Variants in MPP7 observed in about 807,000 individuals in gnomAD.
MPP7 encodes the protein MAGUK p55 subfamily member 7.
In MPP7, 60 loss-of-function variants were observed where a neutral mutation model predicts 76.5. The observed-to-expected ratio is 0.78, with a 90% confidence interval of 0.64 to 0.97. The LOEUF (loss-of-function observed/expected upper bound fraction) is 0.97. Among genes scored for constraint, MPP7 ranks in the 50% least tolerant of loss-of-function variants. The pLI, the probability that MPP7 is intolerant of heterozygous loss-of-function variation, is 0.00. For missense variants in MPP7, 641 were observed against 694.0 expected (o/e 0.92, Z 0.86); for synonymous variants, 237 against 244.5 (o/e 0.97, Z 0.29).
intron 1 of MPP7, among the ~76,000 whole-genome samples, chr10:28,295,496 T>C (rs1003411554): frequency 2.0e-5 from 3 of 152,236 alleles, no homozygotes. Context: ...CTCCAAATTT[T>C]GATCCCAGGC....
intron 5 of MPP7, among the ~76,000 whole-genome samples, chr10:28,146,555 CAT>C (rs111889461): frequency 0.021 from 3,157 of 152,086 alleles, 95 homozygotes; most frequent in African/African-American, 0.07. Context: ...GCGCCCGCCA[CAT>C]GTTTTTAACC....
At chr10:28,158,675 T>A (rs145421015) in intron 3 of MPP7, among the ~76,000 whole-genome samples, 73 of 152,250 alleles carry the variant, frequency 4.8e-4, no homozygotes, top group African/African-American at 1.5e-3. Flanking sequence ...AAATGATGCA[T>A]GAGTTACCTA....
chr10:28,075,504 C>T (rs996525869), intron 12 of MPP7, among the ~76,000 whole-genome samples: 10 of 152,198 alleles, frequency 6.6e-5, no homozygotes, highest in East Asian at 3.9e-4. Flanking sequence ...ATAGATTGCA[C>T]GACGCAAGTT....
chr10:28,286,932 T>C (rs544087092), intron 1 of MPP7, among the ~76,000 whole-genome samples: 1 of 152,258 alleles, frequency 6.6e-6, no homozygotes, highest in East Asian at 1.9e-4. Context: ...TGTGCTGAAA[T>C]AGGAAAGTTC....
chr10:28,292,119 G>A (rs1358906557), intron 1 of MPP7, among the ~76,000 whole-genome samples: 1 of 152,150 alleles, frequency 6.6e-6, no homozygotes, highest in Non-Finnish European at 1.5e-5. Context: ...TGTTCCAGTT[G>A]CCTACAGTAT....
chr10:28,158,591 G>A (rs1166407193), intron 3 of MPP7, among the ~76,000 whole-genome samples: 1 of 152,106 alleles, frequency 6.6e-6, no homozygotes, highest in East Asian at 1.9e-4. Flanking sequence ...CTCTAATCAA[G>A]GTGACAAGGG....
intron 2 of MPP7, among the ~76,000 whole-genome samples, chr10:28,233,964 G>A (rs961660229): frequency 6.6e-6 from 1 of 151,332 alleles, no homozygotes; most frequent in Non-Finnish European, 1.5e-5. Context: ...GAAGAGAGAG[G>A]AAGGAGGAGA....
chr10:28,119,347 CT>C lies in MPP7; in HGVS notation c.952+303del, dbSNP rs1834755825. Among the ~76,000 whole-genome samples, 2 of 151,960 alleles carry C rather than the reference CT, an allele frequency of 1.3e-5. 1 individual carries two copies. The highest frequency in any genetic ancestry group is 3.9e-4 in the East Asian group (2 of 5,178). ...CTTCCTGGCTTTGAAGAAGGAAGAG[CT>C]GTATTTTAGGTGACATTTAATAAAA... On this transcript the variant is annotated intron_variant, in intron 11 of 16. Transcript: ENST00000683449.
chr10:28,319,160 G>A (rs1395961829), intron 2 of MPP7, among the ~76,000 whole-genome samples: 2 of 152,036 alleles, frequency 1.3e-5, no homozygotes, highest in Non-Finnish European at 1.5e-5. Flanking sequence ...TGTCTTACAT[G>A]GCCAGAGCAG....
rs1055882552 is a variant in MPP7, at chr10:28,230,648, T to C, written c.37+7920A>G. Among the ~76,000 whole-genome samples, 14 of 152,118 alleles carry C rather than the reference T, an allele frequency of 9.2e-5. No homozygotes were observed. The South Asian group carries it at 1.2e-3, about 14-fold the overall frequency. ...GGCCAACATGATGAAACCCCATCTC[T>C]ACAAAAAAAATACAAAAAATTAGCT... On this transcript the variant is annotated intron_variant, in intron 2 of 16. Coordinates refer to ENST00000683449, the MANE Select transcript of MPP7 (RefSeq NM_001318170.2).
intron 12 of MPP7, among the ~76,000 whole-genome samples, chr10:28,088,039 T>C (rs1292472668): frequency 6.6e-6 from 1 of 152,190 alleles, no homozygotes; most frequent in African/African-American, 2.4e-5. Flanking sequence ...TTCAAAATAA[T>C]GCAAACAATC....
intron 2 of MPP7, among the ~76,000 whole-genome samples, chr10:28,323,320 G>C (rs1834382958): frequency 6.6e-6 from 1 of 151,972 alleles, no homozygotes; most frequent in African/African-American, 2.4e-5. Flanking sequence ...GGGCATGGTG[G>C]TGTACACCTG....
At chr10:28,229,029 G>T (rs557500429) in intron 2 of MPP7, among the ~76,000 whole-genome samples, 35 of 152,294 alleles carry the variant, frequency 2.3e-4, no homozygotes, top group African/African-American at 8.4e-4. Context: ...ACACTAGAAT[G>T]ATAGGAGAGA....
intron 11 of MPP7, among the ~76,000 whole-genome samples, chr10:28,109,535 GAATAT>G (rs1179899142): frequency 6.6e-6 from 1 of 151,806 alleles, no homozygotes; most frequent in African/African-American, 2.4e-5. Context: ...AACGTTTCCG[GAATAT>G]AATAACCAAA....
At position 28,089,787 on chromosome 10, in the gene MPP7, G is replaced by C. The variant is rs775667479; in HGVS notation, c.1007C>G (p.Ser336Cys). 6.3e-7 allele frequency: 1 copy of C among 1,599,162 alleles called. No homozygotes were observed. The highest frequency in any genetic ancestry group is 1.3e-5 in the African/African-American group (1 of 74,480). Reference sequence around the variant, plus strand: ...ATCACTCTTCTTGCATTCATACATGGATTTATTTGTTTTCTTATCTTTTCT... The same window carrying C: ...ATCACTCTTCTTGCATTCATACATGCATTTATTTGTTTTCTTATCTTTTCT... ...LSRKDKKTNK[S>C]MYECKKSDQY... Residue 336 changes from serine (S) to cysteine (C), a missense_variant, in exon 12 of 17, where the codon TCC becomes TGC. Physicochemically the swap from Ser to Cys is moderately radical, Grantham distance 112 (BLOSUM62 -1). Transcript: ENST00000683449.
upstream of MPP7, among the ~76,000 whole-genome samples, chr10:28,305,104 A>G (rs1841244678): frequency 6.6e-6 from 1 of 152,246 alleles, no homozygotes; most frequent in South Asian, 2.1e-4. Context: ...AAATGCTCTA[A>G]GATTTGAGGC....
At chr10:28,116,714 T>A (rs1030744834) in intron 11 of MPP7, among the ~76,000 whole-genome samples, 17 of 152,086 alleles carry the variant, frequency 1.1e-4, no homozygotes, top group African/African-American at 3.9e-4. Context: ...CTTAGAAATA[T>A]TTTAGGTTTA....
At chr10:28,296,930 C>T (rs996203422) in intron 1 of MPP7, among the ~76,000 whole-genome samples, 7 of 151,984 alleles carry the variant, frequency 4.6e-5, no homozygotes, top group Non-Finnish European at 7.4e-5. Flanking sequence ...AGAGCTAAGC[C>T]GCAGTTTACA....
chr10:28,181,687 A>G (rs527364683), intron 3 of MPP7, among the ~76,000 whole-genome samples: 4 of 152,386 alleles, frequency 2.6e-5, no homozygotes, highest in African/African-American at 9.6e-5. Flanking sequence ...GAGGTAACGC[A>G]GAATAAACAA....
Sources: allele counts gnomAD v4.1 joint callset (sites outside exome capture counted in the v4.1 genomes callset), GRCh38; gene constraint gnomAD v4.1.1; transcripts MANE v1.5; gene names NCBI Gene and HGNC (gene_info 2026-07-23, HGNC 2026-07-21).